KIAA0825: variants seen among roughly 807,000 people sequenced by gnomAD.
KIAA0825 encodes the protein uncharacterized protein KIAA0825.
Under a neutral mutation model 147.6 loss-of-function variants are expected in KIAA0825, and 119 were observed. The observed-to-expected ratio is 0.81, with a 90% CI of 0.69 to 0.94. KIAA0825 has a LOEUF of 0.94. Ranked by LOEUF, KIAA0825 falls within the 40% of genes least tolerant of loss-of-function variation. KIAA0825 has a pLI of 0.00. For missense variants in KIAA0825, 1,381 were observed against 1,472.7 expected, an observed-to-expected ratio of 0.94 and a Z score of 1.02; for synonymous variants, 470 against 518.1, an observed-to-expected ratio of 0.91 and a Z score of 1.26.
intron 20 of KIAA0825, among the ~76,000 whole-genome samples, chr5:94,284,792 C>T (rs915771570): frequency 1.3e-5 from 2 of 152,126 alleles, no homozygotes; most frequent in African/African-American, 4.8e-5. Context: ...TGTGCAGCAT[C>T]CTTTGATTGC....
intron 20 of KIAA0825, among the ~76,000 whole-genome samples, chr5:94,364,187 C>T (rs910204866): frequency 6.6e-6 from 1 of 151,694 alleles, no homozygotes; most frequent in African/African-American, 2.4e-5. Flanking sequence ...ATAAATGCCC[C>T]GAGAATTGGG....
At chr5:94,334,387 T>C (rs1436380544) in intron 20 of KIAA0825, among the ~76,000 whole-genome samples, 4 of 152,272 alleles carry the variant, frequency 2.6e-5, no homozygotes, top group African/African-American at 4.8e-5. Flanking sequence ...CAAATAGTTA[T>C]GCTAAACACT....
At chr5:94,553,857 C>A (rs778526432) in intron 2 of KIAA0825, among the ~76,000 whole-genome samples, 1 of 151,654 alleles carries the variant, frequency 6.6e-6, no homozygotes, top group Non-Finnish European at 1.5e-5. Context: ...GCTATAAAAT[C>A]GTGATGTTCT....
chr5:94,423,396 ATGC>A (rs1754446715), intron 14 of KIAA0825, among the ~76,000 whole-genome samples: 3 of 152,158 alleles, frequency 2.0e-5, no homozygotes, highest in Non-Finnish European at 4.4e-5. Flanking sequence ...TTTTCGTTGC[ATGC>A]ATTATTTTAA....
intron 2 of KIAA0825, among the ~76,000 whole-genome samples, chr5:94,548,314 A>C (rs1056995944): frequency 6.6e-6 from 1 of 152,196 alleles, no homozygotes; most frequent in African/African-American, 2.4e-5. Flanking sequence ...TTGCTTATTT[A>C]TGCAATCAGT....
At chr5:94,553,676 G>T (rs1775985373) in intron 2 of KIAA0825, among the ~76,000 whole-genome samples, 1 of 151,054 alleles carries the variant, frequency 6.6e-6, no homozygotes, top group South Asian at 2.1e-4. Flanking sequence ...TGAGGCAGGA[G>T]AATTGCTTGA....
At chr5:94,160,908 G>C (rs1292532339) in intron 20 of KIAA0825, among the ~76,000 whole-genome samples, 1 of 152,024 alleles carries the variant, frequency 6.6e-6, no homozygotes, top group Non-Finnish European at 1.5e-5. Flanking sequence ...TAATGTCTCT[G>C]TTTCCTTCTT....
chr5:94,270,532 G>C (rs1355744833), intron 20 of KIAA0825, among the ~76,000 whole-genome samples: 2 of 152,012 alleles, frequency 1.3e-5, no homozygotes, highest in Non-Finnish European at 2.9e-5. Context: ...ATAGTTTTTG[G>C]TGCATGCAGT....
rs1002351065 is a variant in KIAA0825 at position 94,618,565 on chromosome 5, C to T, written c.-218G>A. 2 of 153,912 alleles carry T rather than the reference C, an allele frequency of 1.3e-5. No homozygotes were observed. Among genetic ancestry groups the T allele is most frequent in the Non-Finnish European group, 1.5e-5 (1 of 68,234 alleles). The allele number at this position is 153,912 out of a possible 1,614,324, so 9.5% of individuals were successfully genotyped here. On this transcript the variant is annotated 5_prime_UTR_variant, in exon 1 of 21. The change creates a new upstream start codon in the 5' untranslated region. Coordinates refer to ENST00000682413, the MANE Select transcript of KIAA0825 (RefSeq NM_001145678.3). The stretch of plus-strand genomic sequence containing the variant: ...CCGCTGGCCAGACTCAAGCTCTGCA[C>T]CAGGTATTACCACCCTGGCGACGGC...
intron 13 of KIAA0825, among the ~76,000 whole-genome samples, chr5:94,452,743 G>A (rs752921072): frequency 6.6e-6 from 1 of 152,094 alleles, no homozygotes; most frequent in Admixed American, 6.6e-5. Flanking sequence ...ATTACATCAC[G>A]AAAGCTATAA....
At chr5:94,561,039 A>G (rs1292270304) in intron 2 of KIAA0825, among the ~76,000 whole-genome samples, 3 of 152,318 alleles carry the variant, frequency 2.0e-5, no homozygotes, top group Admixed American at 2.0e-4. Context: ...CTAGTCTAAA[A>G]AAACCAACCA....
At chr5:94,196,109 C>G (rs1385321272) in intron 20 of KIAA0825, among the ~76,000 whole-genome samples, 2 of 152,144 alleles carry the variant, frequency 1.3e-5, no homozygotes, top group Non-Finnish European at 2.9e-5. Flanking sequence ...CCTCGGCTCC[C>G]TTACTCCTTA....
chr5:94,236,849 T>G (rs572079308), intron 20 of KIAA0825, among the ~76,000 whole-genome samples: 2 of 152,330 alleles, frequency 1.3e-5, no homozygotes, highest in Admixed American at 1.3e-4. Flanking sequence ...AATGAATTAT[T>G]TTTAAATTAA....
At chr5:94,482,368 T>C (rs1031165890) in intron 6 of KIAA0825, among the ~76,000 whole-genome samples, 3 of 152,094 alleles carry the variant, frequency 2.0e-5, no homozygotes, top group Non-Finnish European at 2.9e-5. Flanking sequence ...TTTCATCTGT[T>C]CATATGTTTG....
At chr5:94,300,834 T>G (rs1279070563) in intron 20 of KIAA0825, among the ~76,000 whole-genome samples, 1 of 152,094 alleles carries the variant, frequency 6.6e-6, no homozygotes, top group African/African-American at 2.4e-5. Flanking sequence ...AGGTAGCCCA[T>G]TTTAGGGGGT....
chr5:94,389,517 T>C (rs942368689), intron 18 of KIAA0825, among the ~76,000 whole-genome samples: 4 of 152,180 alleles, frequency 2.6e-5, no homozygotes, highest in African/African-American at 9.7e-5. Context: ...AGACAAAGCA[T>C]CTTTAACCTC....
At chr5:94,324,586 C>G (rs1276028490) in intron 20 of KIAA0825, among the ~76,000 whole-genome samples, 1 of 151,904 alleles carries the variant, frequency 6.6e-6, no homozygotes. Context: ...TCTTTGTTAC[C>G]ACAGCAGATT....
chr5:94,332,051 A>C (rs1157210740), intron 20 of KIAA0825, among the ~76,000 whole-genome samples: 1 of 151,250 alleles, frequency 6.6e-6, no homozygotes, highest in Non-Finnish European at 1.5e-5. Flanking sequence ...AATCCCAGCT[A>C]CTTGGGAGGC....
intron 20 of KIAA0825, among the ~76,000 whole-genome samples, chr5:94,309,533 A>G (rs951956339): frequency 6.6e-6 from 1 of 151,776 alleles, no homozygotes; most frequent in Non-Finnish European, 1.5e-5. Flanking sequence ...ACTCAGTGCT[A>G]TGCTGTTCAG....
Sources: gnomAD v4.1 joint callset for allele counts (sites outside exome capture counted in the v4.1 genomes callset) on GRCh38, gnomAD v4.1.1 for gene constraint, MANE v1.5 for transcripts, NCBI Gene and HGNC (gene_info 2026-07-23, HGNC 2026-07-21) for gene names.